The following LYRM7 variants were observed in gnomAD, a reference collection of about 807,000 sequenced individuals.
LYRM7 encodes complex III assembly factor LYRM7.
LYRM7 carries 9 observed loss-of-function variants against 15.8 expected under a neutral mutation model. That is an observed-to-expected ratio of 0.57 (90% CI 0.34 to 0.99). The LOEUF (loss-of-function observed/expected upper bound fraction) is 0.99, where lower values mean the gene tolerates loss of function less well. Among genes scored for constraint, LYRM7 ranks in the 50% least tolerant of loss-of-function variants. LYRM7 has a pLI of 0.02. For missense variants in LYRM7, 115 were observed against 119.1 expected (o/e 0.97, Z 0.16); for synonymous variants, 39 against 39.4 (o/e 0.99, Z 0.04).
At chr5:131,195,908 A>C (rs1213251634) in intron 4 of LYRM7, among the ~76,000 whole-genome samples, 1 of 152,174 alleles carries the variant, frequency 6.6e-6, no homozygotes. Context: ...TCTCCACCTT[A>C]GAACAATGAG....
In LYRM7 at chr5:131,200,424, A is replaced by G. The variant is rs1282066563; in HGVS notation, c.*823A>G. The G allele has an allele frequency of 6.6e-6, 1 of 152,364 alleles. No homozygotes were observed. Among genetic ancestry groups the G allele is most frequent in the Non-Finnish European group, 1.5e-5 (1 of 68,034 alleles). The allele number at this position is 152,364 out of a possible 1,614,324, so 9.4% of individuals were successfully genotyped here. On this transcript the variant is annotated 3_prime_UTR_variant, in exon 5 of 5. Transcript: ENST00000379380. ...TCTTCTTCCACATGTCCTGTCCTTG[A>G]CAAGATGGGCAGTATCACAAAAGGT... is the stretch of plus-strand genomic sequence containing the variant.
intron 1 of LYRM7, among the ~76,000 whole-genome samples, chr5:131,178,788 C>T (rs1273996904): frequency 3.9e-5 from 6 of 151,964 alleles, no homozygotes; most frequent in African/African-American, 1.5e-4. Flanking sequence ...GGTGAAACCC[C>T]GTGTCTACTA....
intron 4 of LYRM7, among the ~76,000 whole-genome samples, chr5:131,192,715 T>C (rs1300934849): frequency 6.6e-6 from 1 of 152,206 alleles, no homozygotes; most frequent in African/African-American, 2.4e-5. Context: ...TATTTTCTGC[T>C]CTATTTTTTG....
intron 4 of LYRM7, among the ~76,000 whole-genome samples, chr5:131,188,632 G>A (rs1230649239): frequency 1.3e-5 from 2 of 152,018 alleles, no homozygotes; most frequent in African/African-American, 4.8e-5. Flanking sequence ...GGATTTCTTT[G>A]TATGTTCTGA....
At chr5:131,181,454 AACAT>A (rs1350700433) in intron 2 of LYRM7, among the ~76,000 whole-genome samples, 2 of 126,816 alleles carry the variant, frequency 1.6e-5, no homozygotes, top group Non-Finnish European at 3.2e-5. Flanking sequence ...ATATATATAA[AACAT>A]ATATATGTAT....
chr5:131,181,417 T>TTA (rs1554089947), intron 2 of LYRM7, among the ~76,000 whole-genome samples: 3 of 106,200 alleles, frequency 2.8e-5, no homozygotes, highest in East Asian at 2.1e-4. Flanking sequence ...ATATATATGT[T>TTA]TATATATATA....
At position 131,181,247 on chromosome 5, in the gene LYRM7, G is replaced by A. The variant is rs1172868111; in HGVS notation, c.92-982G>A. 4.2e-5 allele frequency among the ~76,000 whole-genome samples: 5 copies of A among 117,942 alleles called. No individual in the cohort carries two copies. The East Asian group carries it at 1.4e-3, about 34-fold the overall frequency. 77.4% of individuals were successfully genotyped at this position (117,942 alleles called of 152,430 possible). ...GCCGAGATCATGCCACTGCACTCCA[G>A]CCTGGGCGACAAAGCAAGACTCCAT... On this transcript the variant is annotated intron_variant, in intron 2 of 4. Transcript: ENST00000379380.
At chr5:131,174,008 C>G (rs1755561692) in intron 1 of LYRM7, among the ~76,000 whole-genome samples, 1 of 152,316 alleles carries the variant, frequency 6.6e-6, no homozygotes, top group South Asian at 2.1e-4. Context: ...TTATCTGTAG[C>G]ATGCAATGCT....
In LYRM7 at chr5:131,187,012, T is replaced by C. The variant is rs1057521343; in HGVS notation, c.163-16T>C. ...CACCTAAAGGACTTACTCTATTTGT[T>C]TGGTTTTCTTAACAGCTAATGAAAA... On this transcript the variant is annotated splice_polypyrimidine_tract_variant and intron_variant, in intron 3 of 4. Transcript: ENST00000379380. 1 of 1,415,632 alleles carries C rather than the reference T, an allele frequency of 7.1e-7. No homozygotes were observed. Among genetic ancestry groups the C allele is most frequent in the Non-Finnish European group, 9.8e-7 (1 of 1,020,960 alleles). 87.7% of individuals were successfully genotyped at this position (1,415,632 alleles called of 1,614,324 possible).
intron 4 of LYRM7, 110 bp downstream of exon 4, chr5:131,187,219 A>G (rs1445769067): frequency 7.9e-6 from 5 of 634,776 alleles, no homozygotes; most frequent in East Asian, 2.8e-5. Context: ...TTGCCAGACA[A>G]TATGGTATAT....
chr5:131,196,670 C>CT (rs753843316), intron 4 of LYRM7, among the ~76,000 whole-genome samples: 85 of 144,066 alleles, frequency 5.9e-4, no homozygotes, highest in African/African-American at 6.6e-4. Context: ...ATCTGTATTT[C>CT]TTTTTTTTTT....
At chr5:131,175,470 A>G (rs182288456) in intron 1 of LYRM7, among the ~76,000 whole-genome samples, 1 of 152,094 alleles carries the variant, frequency 6.6e-6, no homozygotes, top group East Asian at 1.9e-4. Context: ...AAGTGCTAGG[A>G]TTACAGGCAT....
chr5:131,180,119 C>T lies in LYRM7; in HGVS notation c.43C>T (p.His15Tyr). The T allele has an allele frequency of 1.2e-6, 2 of 1,612,810 alleles. No individual in the cohort carries two copies. Among genetic ancestry groups the T allele is most frequent in the South Asian group, 2.2e-5 (2 of 91,020 alleles). The change falls in exon 2 of 5, where the codon CAC (histidine) becomes TAC (tyrosine). Residue 15 changes from histidine to tyrosine, a missense_variant. By Grantham distance (83) the His-to-Tyr change is moderately conservative. Transcript: ENST00000379380. ...GGTTTTACAGCTCTTTAAAACACTG[C>T]ACAGGACCAGACAACAAGTTTTTAA... ...VKVLQLFKTLHRTRQQVFKND... is the reference protein window; with the variant it reads ...VKVLQLFKTLYRTRQQVFKND...
At chr5:131,196,980 T>G (rs776096193) in intron 4 of LYRM7, among the ~76,000 whole-genome samples, 1 of 152,158 alleles carries the variant, frequency 6.6e-6, no homozygotes, top group Non-Finnish European at 1.5e-5. Flanking sequence ...ATTGATAATG[T>G]GAGAAAAATT....
Position 131,205,379 on chromosome 5 carries a change from A to C in LYRM7, c.*5778A>C, listed in dbSNP as rs1043551026. 6.6e-6 allele frequency: 1 copy of C among 152,206 alleles called. No individual in the cohort carries two copies. The highest frequency in any genetic ancestry group is 2.4e-5 in the African/African-American group (1 of 41,456). The allele number at this position is 152,206 out of a possible 1,614,324, so 9.4% of individuals were successfully genotyped here. ...AATTTGGCATGAATTCAGGTCTTTT[A>C]AGTTTTATTCCATTGTAAGAATAAA... On this transcript the variant is annotated 3_prime_UTR_variant, in exon 5 of 5. Coordinates refer to ENST00000379380, the MANE Select transcript of LYRM7 (RefSeq NM_181705.4).
chr5:131,175,816 T>TGGCACCATCTC (rs1482705448), intron 1 of LYRM7, among the ~76,000 whole-genome samples: 1 of 151,956 alleles, frequency 6.6e-6, no homozygotes, highest in Admixed American at 6.5e-5. Flanking sequence ...TGGAGTGCAG[T>TGGCACCATCTC]GGCACCATCT....
chr5:131,193,889 G>T (rs1755923518), intron 4 of LYRM7, among the ~76,000 whole-genome samples: 1 of 151,978 alleles, frequency 6.6e-6, no homozygotes, highest in African/African-American at 2.4e-5. Flanking sequence ...CATGCTTGTA[G>T]TCCCAGCTAC....
At chr5:131,173,803 T>A (rs539589182) in intron 1 of LYRM7, among the ~76,000 whole-genome samples, 1 of 152,366 alleles carries the variant, frequency 6.6e-6, no homozygotes, top group African/African-American at 2.4e-5. Flanking sequence ...ACTTTTTTGC[T>A]ATAAAATGCT....
intron 2 of LYRM7, among the ~76,000 whole-genome samples, chr5:131,181,475 AT>A (rs925067653): frequency 1.5e-5 from 2 of 130,134 alleles, no homozygotes; most frequent in African/African-American, 2.9e-5. Context: ...GTATATATAT[AT>A]AACATATATA....
Sources: allele counts gnomAD v4.1 joint callset (sites outside exome capture counted in the v4.1 genomes callset), GRCh38; gene constraint gnomAD v4.1.1; transcripts MANE v1.5; gene names NCBI Gene and HGNC (gene_info 2026-07-23, HGNC 2026-07-21).